The following RBM20 variants were observed in gnomAD, a reference collection of about 807,000 sequenced individuals.
The protein encoded by RBM20 is RNA-binding protein 20.
In RBM20, 51 loss-of-function variants were observed where a neutral mutation model predicts 110.1. The ratio of observed to expected loss-of-function variants is 0.46; its 90% CI spans 0.37 to 0.59. RBM20 has a LOEUF of 0.59. RBM20 is among the 20% of genes least tolerant of loss of function. The probability of loss-of-function intolerance (pLI) is 0.00; values close to 1 mark genes in which losing one functional copy is unlikely to be tolerated. For synonymous variants in RBM20, 589 were observed against 618.2 expected (o/e 0.95, Z 0.70); for missense variants, 1,512 against 1,574.9 (o/e 0.96, Z 0.68).
At chr10:110,784,694 G>A in intron 4 of RBM20, 98 bp from the exon 5 acceptor site, 1 of 814,714 alleles carries the variant, frequency 1.2e-6, no homozygotes, top group Non-Finnish European at 2.1e-6. Context: ...AATATGTGAA[G>A]GGGAAAGGTT....
intron 8 of RBM20, among the ~76,000 whole-genome samples, chr10:110,810,847 G>A (rs542592080): frequency 1.1e-3 from 48 of 44,608 alleles, no homozygotes; most frequent in African/African-American, 2.6e-3. Context: ...ATGTGTGTGC[G>A]TGTGTGTGTG....
At chr10:110,822,630 G>A in intron 11 of RBM20, 1 of 372,348 alleles carries the variant, frequency 2.7e-6, no homozygotes, top group Non-Finnish European at 5.3e-6. Context: ...GATTCTCACT[G>A]TGAAAATAAT....
intron 13 of RBM20, 72 bp downstream of exon 13, chr10:110,831,254 G>C (rs367718300): frequency 6.7e-7 from 1 of 1,500,488 alleles, no homozygotes; most frequent in East Asian, 2.5e-5. Flanking sequence ...GGTGTCTGGC[G>C]TCCTTGGCCT....
At chr10:110,758,229 G>A (rs1474873372) in intron 1 of RBM20, among the ~76,000 whole-genome samples, 1 of 151,730 alleles carries the variant, frequency 6.6e-6, no homozygotes, top group Admixed American at 6.6e-5. Flanking sequence ...TGTTGCCCAG[G>A]CTGATCTCAA....
chr10:110,757,149 C>G (rs1200210231), intron 1 of RBM20, among the ~76,000 whole-genome samples: 2 of 152,204 alleles, frequency 1.3e-5, no homozygotes, highest in Non-Finnish European at 2.9e-5. Context: ...TAGTGTGGTT[C>G]AGAGCACAGA....
At chr10:110,768,577 CAG>C (rs748931518) in intron 1 of RBM20, among the ~76,000 whole-genome samples, 30 of 152,226 alleles carry the variant, frequency 2.0e-4, no homozygotes, top group Middle Eastern at 3.4e-3. Context: ...CACAAGGAAA[CAG>C]GGTATTCTGG....
chr10:110,678,615 C>T (rs1441581032), intron 1 of RBM20, among the ~76,000 whole-genome samples: 1 of 152,214 alleles, frequency 6.6e-6, no homozygotes, highest in Non-Finnish European at 1.5e-5. Context: ...CTGCCACCCA[C>T]TCCCTTGATC....
chr10:110,651,635 T>C (rs940822884), intron 1 of RBM20, among the ~76,000 whole-genome samples: 4 of 152,174 alleles, frequency 2.6e-5, no homozygotes, highest in Non-Finnish European at 1.5e-5. Context: ...AATGTAAACA[T>C]AGGACCCACA....
chr10:110,658,216 G>A (rs1023436941), intron 1 of RBM20, among the ~76,000 whole-genome samples: 4 of 152,182 alleles, frequency 2.6e-5, no homozygotes, highest in African/African-American at 9.7e-5. Flanking sequence ...AAGGAGACTG[G>A]ATTTACCAAA....
At chr10:110,746,107 T>C (rs183065084) in intron 1 of RBM20, among the ~76,000 whole-genome samples, 1 of 152,292 alleles carries the variant, frequency 6.6e-6, no homozygotes, top group East Asian at 1.9e-4. Context: ...TTCATATGCG[T>C]GGGACCTCAG....
rs116860615 is a variant in RBM20, at chr10:110,831,245, G to C, written c.3573+63G>C. On this transcript the variant is annotated intron_variant, in intron 13 of 13. Coordinates refer to ENST00000369519, the MANE Select transcript of RBM20 (RefSeq NM_001134363.3). ...TCCCCAGTCTCCATAACCGAGCCAG[G>C]TGTCTGGCGTCCTTGGCCTTGCTTG... is the stretch of plus-strand genomic sequence containing the variant. 2,964 of 1,518,142 alleles carry C rather than the reference G, an allele frequency of 2.0e-3. 55 individuals are homozygous for C. The Admixed American group carries it at 0.028, about 14-fold the overall frequency. 94.0% of individuals were successfully genotyped at this position (1,518,142 alleles called of 1,614,324 possible). A position where few individuals can be genotyped will look rare whatever the true frequency, so the allele number is the denominator to read the frequency against.
In RBM20 at chr10:110,709,919, A is replaced by T. The variant is rs546417887; in HGVS notation, c.191+65274A>T. Among the ~76,000 whole-genome samples the T allele has an allele frequency of 8.5e-5, 13 of 152,232 alleles. No homozygotes were observed. The South Asian group carries it at 2.7e-3, about 32-fold the overall frequency. On this transcript the variant is annotated intron_variant, in intron 1 of 13. Transcript: ENST00000369519. ...AGTTCAACTAAAAAAGTCAGAACCC[A>T]TTAGAGATGAACAGAATGTTTGTTT...
intron 9 of RBM20, among the ~76,000 whole-genome samples, chr10:110,818,701 G>A (rs925780420): frequency 3.9e-5 from 6 of 152,248 alleles, no homozygotes; most frequent in African/African-American, 1.2e-4. Flanking sequence ...CTCCCAACTC[G>A]AACTGAAGGG....
intron 1 of RBM20, among the ~76,000 whole-genome samples, chr10:110,647,908 G>A (rs987875708): frequency 6.6e-6 from 1 of 152,186 alleles, no homozygotes; most frequent in East Asian, 1.9e-4. Context: ...GAAGTTAGCT[G>A]TCAGATGGAA....
chr10:110,776,743 A>T (rs1844269990), intron 1 of RBM20, among the ~76,000 whole-genome samples: 1 of 152,244 alleles, frequency 6.6e-6, no homozygotes, highest in Admixed American at 6.5e-5. Context: ...ACCATGTAAG[A>T]TAACATATTC....
intron 1 of RBM20, among the ~76,000 whole-genome samples, chr10:110,717,292 A>G (rs1863033782): frequency 6.6e-6 from 1 of 152,200 alleles, no homozygotes; most frequent in Admixed American, 6.5e-5. Context: ...CCTATTCTTT[A>G]GAAGTACTGT....
chr10:110,729,147 A>G, intron 1 of RBM20, among the ~76,000 whole-genome samples: 1 of 152,226 alleles, frequency 6.6e-6, no homozygotes, highest in South Asian at 2.1e-4. Context: ...ATGAGAAAGT[A>G]TCTTGAATAC....
chr10:110,807,382 T>A (rs901669043), intron 7 of RBM20, among the ~76,000 whole-genome samples: 1 of 152,178 alleles, frequency 6.6e-6, no homozygotes, highest in Non-Finnish European at 1.5e-5. Context: ...CTAAGCTCAC[T>A]CTAACTGCAC....
intron 1 of RBM20, among the ~76,000 whole-genome samples, chr10:110,648,271 T>C (rs544034214): frequency 1.8e-4 from 27 of 152,312 alleles, no homozygotes; most frequent in Non-Finnish European, 3.5e-4. Context: ...CTGTCTATAT[T>C]TTCAGAGCAA....
Sources: gnomAD v4.1 joint callset for allele counts (sites outside exome capture counted in the v4.1 genomes callset) on GRCh38, gnomAD v4.1.1 for gene constraint, MANE v1.5 for transcripts, NCBI Gene and HGNC (gene_info 2026-07-23, HGNC 2026-07-21) for gene names.